Variants in ULK4 observed in about 807,000 individuals in gnomAD.
ULK4 encodes the protein unc-51 like kinase 4.
Under a neutral mutation model 160.6 loss-of-function variants are expected in ULK4, and 133 were observed. The ratio of observed to expected loss-of-function variants is 0.83; its 90% CI spans 0.72 to 0.96. The LOEUF (loss-of-function observed/expected upper bound fraction) is 0.96. Among genes scored for constraint, ULK4 ranks in the 40% least tolerant of loss-of-function variants. The pLI, the probability that ULK4 is intolerant of heterozygous loss-of-function variation, is 0.00. For missense variants in ULK4, 1,580 were observed against 1,499.5 expected (o/e 1.05, Z -0.89); for synonymous variants, 534 against 539.8 (o/e 0.99, Z 0.15).
intron 35 of ULK4, among the ~76,000 whole-genome samples, chr3:41,302,996 A>G (rs1466161628): frequency 6.6e-6 from 1 of 152,230 alleles, no homozygotes; most frequent in Non-Finnish European, 1.5e-5. Context: ...CTATAGACAA[A>G]GACTAGAAGA....
chr3:41,618,277 A>T (rs570411995), intron 30 of ULK4, among the ~76,000 whole-genome samples: 1 of 152,134 alleles, frequency 6.6e-6, no homozygotes, highest in Admixed American at 6.5e-5. Flanking sequence ...CAGAGAACAC[A>T]ACTAAGATAC....
At chr3:41,735,682 T>C (rs1023797675) in intron 22 of ULK4, among the ~76,000 whole-genome samples, 1 of 139,568 alleles carries the variant, frequency 7.2e-6, no homozygotes, top group Admixed American at 7.2e-5. Flanking sequence ...CCACTCTAAG[T>C]CCATTTTATT....
intron 32 of ULK4, among the ~76,000 whole-genome samples, chr3:41,509,807 T>C (rs1388465323): frequency 2.0e-5 from 3 of 152,202 alleles, no homozygotes; most frequent in Non-Finnish European, 4.4e-5. Flanking sequence ...GCCGGCATTA[T>C]GAGAACTGCT....
intron 32 of ULK4, among the ~76,000 whole-genome samples, chr3:41,564,454 T>C: frequency 1.9e-5 from 1 of 51,470 alleles, no homozygotes; most frequent in African/African-American, 4.7e-5. Flanking sequence ...TTCTTCTTTT[T>C]TTTTTTTTTT....
intron 35 of ULK4, among the ~76,000 whole-genome samples, chr3:41,382,251 TCTTGTTCC>T (rs1263201094): frequency 2.6e-5 from 4 of 152,208 alleles, no homozygotes; most frequent in Non-Finnish European, 4.4e-5. Flanking sequence ...TTTCTGTCTG[TCTTGTTCC>T]CTGCTGTATC....
intron 35 of ULK4, among the ~76,000 whole-genome samples, chr3:41,276,374 C>T (rs185741580): frequency 6.6e-6 from 1 of 152,322 alleles, no homozygotes; most frequent in East Asian, 1.9e-4. Context: ...TCTGTGTTCT[C>T]AATTTGTCCC....
chr3:41,569,109 C>T (rs1394885391), intron 31 of ULK4, among the ~76,000 whole-genome samples: 1 of 152,198 alleles, frequency 6.6e-6, no homozygotes, highest in African/African-American at 2.4e-5. Flanking sequence ...GGCACACCAC[C>T]CTCCAGCAAC....
intron 22 of ULK4, 119 bp downstream of exon 22, chr3:41,754,242 C>T (rs2038720247): frequency 1.7e-6 from 2 of 1,148,580 alleles, no homozygotes; most frequent in South Asian, 3.7e-5. Context: ...ATATTAAGCC[C>T]CTGGAAAAAC....
intron 35 of ULK4, among the ~76,000 whole-genome samples, chr3:41,300,867 A>T (rs1219836090): frequency 9.3e-6 from 1 of 107,204 alleles, no homozygotes; most frequent in African/African-American, 4.9e-5. Flanking sequence ...ATATATATAT[A>T]TATATATATA....
chr3:41,286,254 AC>A (rs2079454588), intron 35 of ULK4, among the ~76,000 whole-genome samples: 1 of 152,024 alleles, frequency 6.6e-6, no homozygotes, highest in African/African-American at 2.4e-5. Flanking sequence ...CTTTGTAATC[AC>A]CCTCTGAGAC....
intron 35 of ULK4, among the ~76,000 whole-genome samples, chr3:41,282,730 A>G (rs1046284273): frequency 6.6e-6 from 1 of 152,226 alleles, no homozygotes; most frequent in Non-Finnish European, 1.5e-5. Context: ...CATTCAGGAC[A>G]TAGGCATGGG....
chr3:41,745,037 A>G (rs1014935970), intron 22 of ULK4, among the ~76,000 whole-genome samples: 2 of 151,704 alleles, frequency 1.3e-5, no homozygotes, highest in African/African-American at 2.4e-5. Context: ...TAAAAAATCC[A>G]AATCTATGCA....
intron 32 of ULK4, among the ~76,000 whole-genome samples, chr3:41,507,911 C>T (rs545865872): frequency 2.6e-5 from 4 of 152,334 alleles, no homozygotes; most frequent in African/African-American, 9.6e-5. Context: ...ACCACAGCAA[C>T]ATACCAGGAA....
At chr3:41,384,593 A>AT (rs1377633874) in intron 35 of ULK4, among the ~76,000 whole-genome samples, 1 of 151,582 alleles carries the variant, frequency 6.6e-6, no homozygotes, top group Non-Finnish European at 1.5e-5. Flanking sequence ...GTCTATATAA[A>AT]TTTTTTTTCG....
At chr3:41,351,855 C>G (rs1222118266) in intron 35 of ULK4, among the ~76,000 whole-genome samples, 1 of 152,196 alleles carries the variant, frequency 6.6e-6, no homozygotes, top group South Asian at 2.1e-4. Context: ...TGACCTTCCC[C>G]CTGTCTAGGT....
At chr3:41,779,906 A>C (rs1254782899) in intron 21 of ULK4, among the ~76,000 whole-genome samples, 1 of 90,242 alleles carries the variant, frequency 1.1e-5, no homozygotes, top group African/African-American at 4.3e-5. Flanking sequence ...TAGTGGGTGC[A>C]GCGCACCAGC....
chr3:41,683,345 A>G (rs2035984253), intron 27 of ULK4, among the ~76,000 whole-genome samples: 1 of 152,036 alleles, frequency 6.6e-6, no homozygotes, highest in Non-Finnish European at 1.5e-5. Context: ...TTGAGAGCCC[A>G]AGAACTCATG....
chr3:41,475,212 A>G lies in ULK4; in HGVS notation c.3227-11959T>C, dbSNP rs546965624. ...GACAACATGGATGGACGTGGAAAGCATTATGCTATGTGAAATAAACCAGAC... is the reference window on the plus strand; with the variant it reads ...GACAACATGGATGGACGTGGAAAGCGTTATGCTATGTGAAATAAACCAGAC... On this transcript the variant is annotated intron_variant, in intron 32 of 36. Coordinates refer to ENST00000301831, the MANE Select transcript of ULK4 (RefSeq NM_017886.4). 3.8e-4 allele frequency among the ~76,000 whole-genome samples: 58 copies of G among 152,362 alleles called. 1 individual carries two copies. The highest frequency in any genetic ancestry group is 7.1e-4 in the Non-Finnish European group (48 of 68,026).
chr3:41,599,806 C>G (rs971276980), intron 31 of ULK4, among the ~76,000 whole-genome samples: 1 of 152,102 alleles, frequency 6.6e-6, no homozygotes, highest in Non-Finnish European at 1.5e-5. Context: ...CTCAAGTTAT[C>G]TGCCTGCCTT....
Sources: allele counts gnomAD v4.1 joint callset (sites outside exome capture counted in the v4.1 genomes callset), GRCh38; gene constraint gnomAD v4.1.1; transcripts MANE v1.5; gene names NCBI Gene and HGNC (gene_info 2026-07-23, HGNC 2026-07-21).